Variants in SLC24A2 observed in about 807,000 individuals in gnomAD.
SLC24A2 encodes the protein solute carrier family 24 member 2.
In SLC24A2, 36 loss-of-function variants were observed where a neutral mutation model predicts 62.0. The ratio of observed to expected loss-of-function variants is 0.58; its 90% CI spans 0.44 to 0.77. SLC24A2 has a LOEUF of 0.77. Among genes scored for constraint, SLC24A2 ranks in the 30% least tolerant of loss-of-function variants. SLC24A2 has a pLI of 0.00. For synonymous variants in SLC24A2, 358 were observed against 294.0 expected (o/e 1.22, Z -2.23); for missense variants, 846 against 817.9 (o/e 1.03, Z -0.42).
chr9:19,600,139 A>G (rs1209218640), intron 4 of SLC24A2, among the ~76,000 whole-genome samples: 2 of 152,112 alleles, frequency 1.3e-5, no homozygotes, highest in African/African-American at 4.8e-5. Flanking sequence ...TCTCTATAAC[A>G]TTTCTCTAAG....
the SLC24A2 span, among the ~76,000 whole-genome samples, chr9:20,220,712 C>T: frequency 1.3e-5 from 2 of 152,100 alleles, no homozygotes; most frequent in East Asian, 1.9e-4. Context: ...TAACTTAGAA[C>T]GCTGTCACGA....
the SLC24A2 span, among the ~76,000 whole-genome samples, chr9:19,895,546 C>CTTTT: frequency 1.5e-5 from 2 of 135,332 alleles, no homozygotes; most frequent in African/African-American, 2.7e-5. Context: ...TTCTTTCTTT[C>CTTTT]TTTTTTTTTT....
intron 8 of SLC24A2, among the ~76,000 whole-genome samples, chr9:19,543,527 G>T (rs1459491865): frequency 2.0e-5 from 3 of 152,050 alleles, no homozygotes; most frequent in Non-Finnish European, 2.9e-5. Flanking sequence ...TGATGTTAGG[G>T]TGTCGATTTT....
the SLC24A2 span, among the ~76,000 whole-genome samples, chr9:19,989,174 T>C: frequency 1.3e-5 from 2 of 152,164 alleles, no homozygotes; most frequent in Non-Finnish European, 2.9e-5. Flanking sequence ...GTAGAGTTCA[T>C]TAACCATAAT....
At chr9:19,534,514 C>G (rs573664101) in intron 8 of SLC24A2, among the ~76,000 whole-genome samples, 2 of 152,158 alleles carry the variant, frequency 1.3e-5, no homozygotes, top group Admixed American at 1.3e-4. Context: ...CCTAGCCCCC[C>G]ACCCCTTGAC....
chr9:20,190,381 G>C, the SLC24A2 span, among the ~76,000 whole-genome samples: 76 of 152,268 alleles, frequency 5.0e-4, no homozygotes, highest in African/African-American at 1.8e-3. Flanking sequence ...TGAAACTTCA[G>C]ATAATAATTA....
chr9:19,820,009 G>GTATA, the SLC24A2 span, among the ~76,000 whole-genome samples: 1,064 of 108,818 alleles, frequency 9.8e-3, 55 homozygotes, highest in African/African-American at 0.042. Context: ...ATATATATGT[G>GTATA]TATATATATA....
chr9:19,862,607 C>G, the SLC24A2 span, among the ~76,000 whole-genome samples: 1 of 151,626 alleles, frequency 6.6e-6, no homozygotes, highest in East Asian at 1.9e-4. Flanking sequence ...AATGATGAAC[C>G]AATAAAAATA....
At chr9:19,553,103 C>T (rs973301200) in intron 7 of SLC24A2, among the ~76,000 whole-genome samples, 5 of 152,130 alleles carry the variant, frequency 3.3e-5, no homozygotes, top group African/African-American at 1.2e-4. Context: ...AGAGGTACCC[C>T]AGGAGCAAGG....
At chr9:19,791,835 A>G (rs543226873), upstream of SLC24A2, among the ~76,000 whole-genome samples, 25 of 152,356 alleles carry the variant, frequency 1.6e-4, no homozygotes, top group South Asian at 5.2e-3. Flanking sequence ...GAAATTATTA[A>G]GGAGCTACTT....
chr9:20,245,698 G>C, the SLC24A2 span, among the ~76,000 whole-genome samples: 2 of 152,166 alleles, frequency 1.3e-5, no homozygotes, highest in African/African-American at 4.8e-5. Flanking sequence ...ACAAAATGCA[G>C]GGAGCGATAA....
At chr9:19,831,049 A>C in the SLC24A2 span, among the ~76,000 whole-genome samples, 1 of 152,180 alleles carries the variant, frequency 6.6e-6, no homozygotes, top group Non-Finnish European at 1.5e-5. Context: ...AGGAAAGGCA[A>C]AAGAATGCCT....
At chr9:19,517,494 G>C (rs182793269) in intron 10 of SLC24A2, among the ~76,000 whole-genome samples, 5 of 152,344 alleles carry the variant, frequency 3.3e-5, no homozygotes, top group Admixed American at 3.3e-4. Flanking sequence ...GTGCTGGAGA[G>C]ACGGCATTGG....
the SLC24A2 span, among the ~76,000 whole-genome samples, chr9:19,981,409 A>G: frequency 6.6e-6 from 1 of 152,312 alleles, no homozygotes; most frequent in East Asian, 1.9e-4. Context: ...TTGTAAAAGA[A>G]ACAAACAGAC....
At chr9:20,075,093 A>AT in the SLC24A2 span, among the ~76,000 whole-genome samples, 1 of 152,072 alleles carries the variant, frequency 6.6e-6, no homozygotes. Context: ...TTTATGTAAT[A>AT]TTTTTTCATG....
chr9:19,545,512 T>C (rs1460818448), intron 8 of SLC24A2, among the ~76,000 whole-genome samples: 1 of 152,166 alleles, frequency 6.6e-6, no homozygotes, highest in African/African-American at 2.4e-5. Flanking sequence ...TGTTCAGGTT[T>C]TTGGAATTTT....
the SLC24A2 span, among the ~76,000 whole-genome samples, chr9:20,048,524 T>C: frequency 6.6e-5 from 10 of 152,336 alleles, no homozygotes; most frequent in African/African-American, 1.9e-4. Flanking sequence ...TGCTTCATGT[T>C]TTACAGGCTC....
At chr9:19,842,905 C>G in the SLC24A2 span, among the ~76,000 whole-genome samples, 1 of 152,096 alleles carries the variant, frequency 6.6e-6, no homozygotes, top group Non-Finnish European at 1.5e-5. Context: ...TGATTTTATA[C>G]TTTATAATGT....
At chr9:19,931,565 T>C in the SLC24A2 span, among the ~76,000 whole-genome samples, 45 of 152,318 alleles carry the variant, frequency 3.0e-4, no homozygotes, top group South Asian at 3.7e-3. Context: ...ATGTAGACAA[T>C]AGAACATCTA....
Sources: allele counts gnomAD v4.1 joint callset (sites outside exome capture counted in the v4.1 genomes callset), GRCh38; gene constraint gnomAD v4.1.1; transcripts MANE v1.5; gene names NCBI Gene and HGNC (gene_info 2026-07-23, HGNC 2026-07-21).